The following ZC3H12D variants were observed in gnomAD, a reference collection of about 807,000 sequenced individuals.
The protein encoded by ZC3H12D is probable ribonuclease ZC3H12D.
Under a neutral mutation model 24.2 loss-of-function variants are expected in ZC3H12D, and 11 were observed. That is an observed-to-expected ratio of 0.46 (90% CI 0.29 to 0.75). The LOEUF (loss-of-function observed/expected upper bound fraction) is 0.75. ZC3H12D is among the 30% of genes least tolerant of loss of function. The pLI is 0.11. For missense variants in ZC3H12D, 740 were observed against 767.7 expected, an observed-to-expected ratio of 0.96 and a Z score of 0.43; for synonymous variants, 333 against 341.8, an observed-to-expected ratio of 0.97 and a Z score of 0.28.
chr6:149,464,769 G>T (rs1776124410), intron 2 of ZC3H12D, among the ~76,000 whole-genome samples: 1 of 152,224 alleles, frequency 6.6e-6, no homozygotes, highest in South Asian at 2.1e-4. Flanking sequence ...GCAAAGGGAA[G>T]AGCTGACCGG....
At chr6:149,455,187 G>A (rs1278270024) in intron 4 of ZC3H12D, among the ~76,000 whole-genome samples, 6 of 152,060 alleles carry the variant, frequency 3.9e-5, no homozygotes, top group Non-Finnish European at 7.4e-5. Flanking sequence ...ACACCACACT[G>A]TGTCCCTGGG....
At chr6:149,462,258 C>T (rs1183660858) in intron 2 of ZC3H12D, among the ~76,000 whole-genome samples, 1 of 152,124 alleles carries the variant, frequency 6.6e-6, no homozygotes, top group Non-Finnish European at 1.5e-5. Context: ...CCTGCAATCC[C>T]AGCTACTCTG....
At chr6:149,457,764 C>T (rs1776007194) in intron 3 of ZC3H12D, among the ~76,000 whole-genome samples, 1 of 152,002 alleles carries the variant, frequency 6.6e-6, no homozygotes, top group African/African-American at 2.4e-5. Context: ...TGGATTTTGC[C>T]TTTGGAGACA....
At chr6:149,464,245 C>T (rs1186316500) in intron 2 of ZC3H12D, among the ~76,000 whole-genome samples, 3 of 152,086 alleles carry the variant, frequency 2.0e-5, no homozygotes, top group Admixed American at 1.3e-4. Flanking sequence ...TCAGGAAAGC[C>T]AGGGGAAAAG....
intron 2 of ZC3H12D, among the ~76,000 whole-genome samples, chr6:149,466,247 A>G (rs546579672): frequency 6.6e-5 from 10 of 151,880 alleles, no homozygotes; most frequent in African/African-American, 2.4e-4. Context: ...TTTCCGGCCA[A>G]TATCAGGTCT....
In ZC3H12D at chr6:149,456,616, G is replaced by GCCCCCCCCCCCCCCCCCCCC; in HGVS notation, c.680+49_680+50insGGGGGGGGGGGGGGGGGGGG. 1.8e-6 allele frequency: 2 copies of GCCCCCCCCCCCCCCCCCCCC among 1,130,408 alleles called. No individual in the cohort carries two copies. The allele number at this position is 1,130,408 out of a possible 1,614,324, so 70.0% of individuals were successfully genotyped here. On this transcript the variant is annotated intron_variant, in intron 4 of 5. Transcript: ENST00000409806. This position sits in a 1 kb window ranked among gnomAD's most constrained non-coding sequence, Gnocchi z 4.3. ...AGGCGTGGCCACTGCCTCGACCCCG[G>GCCCCCCCCCCCCCCCCCCCC]CCCCCCGCCCCGCCGCCCCCCAGGG...
chr6:149,481,117 G>A (rs562806359), intron 1 of ZC3H12D, among the ~76,000 whole-genome samples: 13 of 151,792 alleles, frequency 8.6e-5, no homozygotes, highest in East Asian at 3.9e-4. Flanking sequence ...CAGGCTCTTC[G>A]CTCACCCAGA....
Position 149,456,622 on chromosome 6 carries a change from C to CCCCCCCCCCCCCCCCCGGGGGGCGG in ZC3H12D, c.680+43_680+44insCCGCCCCCCGGGGGGGGGGGGGGGG. On this transcript the variant is annotated intron_variant, in intron 4 of 5. Transcript: ENST00000409806. The surrounding 1 kb of genome is among the most constrained non-coding windows in gnomAD (Gnocchi z 4.3). The stretch of plus-strand genomic sequence containing the variant: ...GGCCACTGCCTCGACCCCGGCCCCC[C>CCCCCCCCCCCCCCCCCGGGGGGCGG]GCCCCGCCGCCCCCCAGGGTGTCAG... 7.6e-7 allele frequency: 1 copy of CCCCCCCCCCCCCCCCCGGGGGGCGG among 1,314,358 alleles called. No homozygotes were observed. Among genetic ancestry groups the CCCCCCCCCCCCCCCCCGGGGGGCGG allele is most frequent in the Non-Finnish European group, 1.1e-6 (1 of 921,306 alleles). The allele number at this position is 1,314,358 out of a possible 1,614,324, so 81.4% of individuals were successfully genotyped here. A position where few individuals can be genotyped will look rare whatever the true frequency, so the allele number is the denominator to read the frequency against.
At chr6:149,459,817 C>A (rs1776043847) in intron 3 of ZC3H12D, 2 of 667,704 alleles carry the variant, frequency 3.0e-6, no homozygotes, top group Admixed American at 4.5e-5. Context: ...CTGCTCCATG[C>A]CAGGTATACT....
Position 149,452,890 on chromosome 6 carries a change from A to C in ZC3H12D, c.681-168T>G, listed in dbSNP as rs1775924029. ...CATCTTAAAGCAAAACCTTCCCTTC[A>C]CACTGAACCCCATGCAGAGCACACA... On this transcript the variant is annotated intron_variant, in intron 4 of 5. Coordinates refer to ENST00000409806, the MANE Select transcript of ZC3H12D (RefSeq NM_207360.3). The surrounding 1 kb of genome is among the most constrained non-coding windows in gnomAD (Gnocchi z 4.0). 6.6e-6 allele frequency among the ~76,000 whole-genome samples: 1 copy of C among 152,064 alleles called. No individual in the cohort carries two copies. The highest frequency in any genetic ancestry group is 2.4e-5 in the African/African-American group (1 of 41,390).
In ZC3H12D at chr6:149,447,736, G is replaced by T. The variant is rs1257944997; in HGVS notation, c.*2947C>A. On this transcript the variant is annotated 3_prime_UTR_variant, in exon 6 of 6. Coordinates refer to ENST00000409806, the MANE Select transcript of ZC3H12D (RefSeq NM_207360.3). ...TTTCTGTCACAAAGACATATACTAA[G>T]ACTTTGGAAAAATTCCAAAGGGGAT... The T allele has an allele frequency of 6.6e-6, 1 of 151,876 alleles. No homozygotes were observed. Among genetic ancestry groups the T allele is most frequent in the Non-Finnish European group, 1.5e-5 (1 of 68,006 alleles). The allele number at this position is 151,876 out of a possible 1,614,324, so 9.4% of individuals were successfully genotyped here. A position where few individuals can be genotyped will look rare whatever the true frequency, so the allele number is the denominator to read the frequency against.
intron 3 of ZC3H12D, among the ~76,000 whole-genome samples, chr6:149,458,126 T>TTTG (rs1776015585): frequency 8.1e-6 from 1 of 123,348 alleles, no homozygotes; most frequent in African/African-American, 3.8e-5. Flanking sequence ...TTTTTTTCGT[T>TTTG]TCTTTTTTTT....
At chr6:149,464,573 G>A (rs905138257) in intron 2 of ZC3H12D, among the ~76,000 whole-genome samples, 4 of 152,200 alleles carry the variant, frequency 2.6e-5, no homozygotes, top group East Asian at 1.9e-4. Context: ...ACTGGGGAAC[G>A]TTGGCACCCA....
chr6:149,454,862 A>G (rs1775955320), intron 4 of ZC3H12D, among the ~76,000 whole-genome samples: 1 of 152,228 alleles, frequency 6.6e-6, no homozygotes. Flanking sequence ...GCTGGAAATG[A>G]CAATGGGGGC....
chr6:149,457,539 G>A (rs956966165), intron 3 of ZC3H12D, among the ~76,000 whole-genome samples: 2 of 152,176 alleles, frequency 1.3e-5, no homozygotes, highest in African/African-American at 2.4e-5. Context: ...ACTTCACCCC[G>A]GTTGAATGTC....
intron 1 of ZC3H12D, among the ~76,000 whole-genome samples, chr6:149,479,334 T>A (rs1776388303): frequency 6.6e-6 from 1 of 152,316 alleles, no homozygotes; most frequent in African/African-American, 2.4e-5. Context: ...GACCCAAGCC[T>A]GGGTGACAGA....
Position 149,456,811 on chromosome 6 carries a change from C to G in ZC3H12D, c.535G>C (p.Asp179His). 1 of 1,613,086 alleles carries G rather than the reference C, an allele frequency of 6.2e-7. No individual in the cohort carries two copies. Among genetic ancestry groups the G allele is most frequent in the African/African-American group, 1.3e-5 (1 of 75,064 alleles). The change falls in exon 4 of 6, where the codon GAC becomes CAC. Residue 179 changes from aspartate (D) to histidine (H), a missense_variant. Physicochemically the swap from Asp to His is moderately conservative, Grantham distance 81 (BLOSUM62 -1). Coordinates refer to ENST00000409806, the MANE Select transcript of ZC3H12D (RefSeq NM_207360.3). The surrounding 1 kb of genome is among the most constrained non-coding windows in gnomAD (Gnocchi z 4.3). The stretch of plus-strand genomic sequence containing the variant: ...GCCACCTTCACGATGTAGCGGTCGT[C>G]GTAGCAGACCAGGCGCTTGCCGTGC... The part of the protein sequence containing the change: ...KVHGKRLVCY[D>H]DRYIVKVAYE...
chr6:149,451,268 C>A lies in ZC3H12D; in HGVS notation c.999G>T (p.Ala333=), dbSNP rs983046382. 1 of 1,299,566 alleles carries A rather than the reference C, an allele frequency of 7.7e-7. No homozygotes were observed. The highest frequency in any genetic ancestry group is 9.7e-7 in the Non-Finnish European group (1 of 1,030,528). The allele number at this position is 1,299,566 out of a possible 1,614,324, so 80.5% of individuals were successfully genotyped here. ...GGGCGGCCAGGTCCGGGGACCCCCG[C>A]GCCGGCGGGAGGCTGTGCGCAAATG... The part of the protein sequence containing the change: ...REPFAHSLPP[A]RGSPDLAALR... The change falls in exon 6 of 6, where the codon GCG becomes GCT. Residue 333 remains alanine (A), a synonymous_variant. Transcript: ENST00000409806.
At chr6:149,483,829 G>A (rs916991264) in intron 1 of ZC3H12D, among the ~76,000 whole-genome samples, 1 of 152,164 alleles carries the variant, frequency 6.6e-6, no homozygotes, top group African/African-American at 2.4e-5. Context: ...GGGATTACAG[G>A]TGTGAGCCAC....
Sources: allele counts gnomAD v4.1 joint callset (sites outside exome capture counted in the v4.1 genomes callset), GRCh38; gene constraint gnomAD v4.1.1; non-coding constraint Gnocchi (gnomAD v3.1); transcripts MANE v1.5; gene names NCBI Gene and HGNC (gene_info 2026-07-23, HGNC 2026-07-21).